PDE8B: variants seen among roughly 807,000 people sequenced by gnomAD.
PDE8B encodes the protein high affinity cAMP-specific and IBMX-insensitive 3',5'-cyclic phosphodiesterase 8B.
A neutral mutation model predicts 101.3 loss-of-function variants in PDE8B; 26 were observed. That is an observed-to-expected ratio of 0.26 (90% confidence interval 0.19 to 0.36). The LOEUF is 0.36. Ranked by LOEUF, PDE8B falls within the 10% of genes least tolerant of loss-of-function variation. The pLI, the probability that PDE8B is intolerant of heterozygous loss-of-function variation, is 1.00. For synonymous variants in PDE8B, 424 were observed against 429.3 expected (o/e 0.99, Z 0.15); for missense variants, 810 against 1,163.1 (o/e 0.70, Z 4.42).
chr5:77,341,134 G>A (rs1779142278), intron 6 of PDE8B, among the ~76,000 whole-genome samples: 1 of 152,110 alleles, frequency 6.6e-6, no homozygotes, highest in East Asian at 1.9e-4. Flanking sequence ...AAGCAATTAA[G>A]TTCTAAAACT....
chr5:77,210,124 T>A (rs1041200714), upstream of PDE8B, among the ~76,000 whole-genome samples: 1 of 151,952 alleles, frequency 6.6e-6, no homozygotes, highest in African/African-American at 2.4e-5. The surrounding 1 kb of genome is among the most constrained non-coding windows in gnomAD (Gnocchi z 4.9). Context: ...GGCCTCCTGG[T>A]GTTTAGCTCT....
intron 21 of PDE8B, 199 bp from the exon 22 acceptor site, chr5:77,426,243 GATA>G (rs1184909178): frequency 5.2e-5 from 32 of 619,814 alleles, no homozygotes; most frequent in Non-Finnish European, 8.3e-5. Context: ...AGGTTCTTCT[GATA>G]ATGTCACTGA....
At chr5:77,315,886 A>G (rs549678146) in intron 2 of PDE8B, among the ~76,000 whole-genome samples, 8 of 151,974 alleles carry the variant, frequency 5.3e-5, no homozygotes, top group South Asian at 4.2e-4. Flanking sequence ...ACATTTTCCT[A>G]GTTATCTTTT....
chr5:77,144,595 T>C, the PDE8B span: 1 of 76,866 alleles, frequency 1.3e-5, no homozygotes, highest in Non-Finnish European at 2.6e-5. Context: ...GAGGAAGAAT[T>C]TTTGAGCTTT....
chr5:77,153,187 G>C, the PDE8B span, among the ~76,000 whole-genome samples: 2 of 152,212 alleles, frequency 1.3e-5, no homozygotes, highest in African/African-American at 2.4e-5. Context: ...TGCCAAGGTG[G>C]AGAAACCCTG....
chr5:77,325,562 A>G lies in PDE8B; in HGVS notation c.423A>G (p.Glu141=), dbSNP rs1177837727. Residue 141 remains glutamate (E), a synonymous_variant, in exon 3 of 22, where the codon GAA becomes GAG. Transcript: ENST00000264917. Reference sequence around the variant, plus strand: ...AGGTTTTGCTGATCTTTGCAAAGGAAGATAGTCAGAGCGATGGCTTCTGGT... The same window carrying G: ...AGGTTTTGCTGATCTTTGCAAAGGAGGATAGTCAGAGCGATGGCTTCTGGT... The part of the protein sequence containing the change: ...PIQVLLIFAK[E]DSQSDGFWWA... 2 of 1,614,018 alleles carry G rather than the reference A, an allele frequency of 1.2e-6. No homozygotes were observed. Among genetic ancestry groups the G allele is most frequent in the Non-Finnish European group, 1.7e-6 (2 of 1,179,998 alleles).
At chr5:77,326,665 G>A (rs1776114906) in intron 3 of PDE8B, among the ~76,000 whole-genome samples, 1 of 151,968 alleles carries the variant, frequency 6.6e-6, no homozygotes, top group Non-Finnish European at 1.5e-5. Flanking sequence ...CTATTTAATA[G>A]TGTATATAAA....
intron 3 of PDE8B, among the ~76,000 whole-genome samples, chr5:77,328,002 AAATACATT>A (rs1163918945): frequency 6.6e-6 from 1 of 152,194 alleles, no homozygotes; most frequent in African/African-American, 2.4e-5. Flanking sequence ...GTGGTAGTTC[AAATACATT>A]AAAGTAGAGA....
the PDE8B span, among the ~76,000 whole-genome samples, chr5:77,125,067 C>A: frequency 3.3e-5 from 5 of 152,220 alleles, no homozygotes; most frequent in African/African-American, 1.2e-4. Context: ...TAGCTCACTG[C>A]AGCCTCAAAC....
chr5:77,321,022 AT>A (rs10710933), intron 2 of PDE8B, among the ~76,000 whole-genome samples: 53,700 of 150,214 alleles, frequency 0.36, 9,867 homozygotes, highest in African/African-American at 0.45. Flanking sequence ...GGATAGTGCA[AT>A]TTTTTTTTTC....
the PDE8B span, among the ~76,000 whole-genome samples, chr5:77,152,962 T>C: frequency 6.6e-6 from 1 of 152,130 alleles, no homozygotes; most frequent in Non-Finnish European, 1.5e-5. Flanking sequence ...AGAAAATGAA[T>C]TGCTTAAAGT....
At chr5:77,393,253 G>A (rs1269125512) in intron 10 of PDE8B, among the ~76,000 whole-genome samples, 1 of 152,200 alleles carries the variant, frequency 6.6e-6, no homozygotes, top group East Asian at 1.9e-4. Context: ...AATTAGCTGG[G>A]TGTGGTGGCA....
At chr5:77,365,392 G>A (rs1254983315) in intron 10 of PDE8B, among the ~76,000 whole-genome samples, 1 of 152,062 alleles carries the variant, frequency 6.6e-6, no homozygotes, top group Non-Finnish European at 1.5e-5. Flanking sequence ...TGGATGTCTT[G>A]GAGGGGGACA....
chr5:77,127,761 G>A, the PDE8B span, among the ~76,000 whole-genome samples: 1 of 152,074 alleles, frequency 6.6e-6, no homozygotes, highest in Non-Finnish European at 1.5e-5. Flanking sequence ...CCCCAGCAAG[G>A]AGAAGAAGGC....
chr5:77,331,637 T>C (rs539519715), intron 5 of PDE8B, among the ~76,000 whole-genome samples, 178 bp downstream of exon 5: 2 of 152,320 alleles, frequency 1.3e-5, no homozygotes, highest in East Asian at 3.9e-4. Context: ...CCAGTCGAGC[T>C]CTTTGCGTTT....
intron 10 of PDE8B, among the ~76,000 whole-genome samples, chr5:77,399,673 T>G (rs1791835487): frequency 6.6e-6 from 1 of 152,198 alleles, no homozygotes; most frequent in Non-Finnish European, 1.5e-5. Context: ...TATTGAGCAT[T>G]AGCACAAAAC....
chr5:77,304,645 A>G (rs896911173), intron 1 of PDE8B, among the ~76,000 whole-genome samples: 4 of 152,196 alleles, frequency 2.6e-5, no homozygotes, highest in Admixed American at 6.5e-5. Context: ...AAATTAATGT[A>G]CTATTCTAAA....
intron 2 of PDE8B, among the ~76,000 whole-genome samples, chr5:77,318,179 G>T (rs1388032102): frequency 1.3e-5 from 2 of 151,914 alleles, no homozygotes; most frequent in Non-Finnish European, 1.5e-5. Flanking sequence ...GAGATCACAT[G>T]GCCTCATAGG....
intron 11 of PDE8B, among the ~76,000 whole-genome samples, chr5:77,403,675 T>C (rs1013827262): frequency 2.0e-5 from 3 of 152,138 alleles, no homozygotes; most frequent in Non-Finnish European, 4.4e-5. Flanking sequence ...GGAAAAGAGA[T>C]AGTATAATAA....
Sources: gnomAD v4.1 joint callset for allele counts (sites outside exome capture counted in the v4.1 genomes callset) on GRCh38, gnomAD v4.1.1 for gene constraint, Gnocchi (gnomAD v3.1) non-coding constraint, MANE v1.5 for transcripts, NCBI Gene and HGNC (gene_info 2026-07-23, HGNC 2026-07-21) for gene names.